The following SORD variants were observed in gnomAD, a reference collection of about 807,000 sequenced individuals.
The protein encoded by SORD is sorbitol dehydrogenase, also known as (R,R)-butanediol dehydrogenase.
Under a neutral mutation model 35.6 loss-of-function variants are expected in SORD, and 18 were observed. The observed-to-expected ratio is 0.51, with a 90% CI of 0.35 to 0.75. SORD has a LOEUF of 0.75. Ranked by LOEUF, SORD falls within the 30% of genes least tolerant of loss-of-function variation. SORD has a pLI of 0.01. For synonymous variants in SORD, 106 were observed against 152.9 expected (o/e 0.69, Z 2.26); for missense variants, 250 against 390.2 (o/e 0.64, Z 3.03).
At chr15:45,028,903 A>G (rs1892723618) in intron 1 of SORD, among the ~76,000 whole-genome samples, 1 of 152,396 alleles carries the variant, frequency 6.6e-6, no homozygotes, top group Admixed American at 6.5e-5. Flanking sequence ...ATGAGAGGGC[A>G]TGAACATGGG....
In SORD at chr15:45,036,801, AAG is replaced by A. The variant is rs556959289; in HGVS notation, c.67-3604_67-3603del. 5.0e-4 allele frequency among the ~76,000 whole-genome samples: 76 copies of A among 152,348 alleles called. 1 individual carries two copies. The highest frequency in any genetic ancestry group is 8.1e-4 in the Non-Finnish European group (55 of 68,032). On this transcript the variant is annotated intron_variant, in intron 1 of 8. Transcript: ENST00000267814. Reference sequence around the variant, plus strand: ...CAAAACCTTTGGGAATGAGAAAAAAAAGAGCTGTGGAGATAAAAGTGAAAGTT... The same window carrying A: ...CAAAACCTTTGGGAATGAGAAAAAAAAGCTGTGGAGATAAAAGTGAAAGTT...
intron 5 of SORD, among the ~76,000 whole-genome samples, chr15:45,065,863 C>G (rs538161721): frequency 1.3e-5 from 2 of 151,772 alleles, no homozygotes; most frequent in African/African-American, 2.4e-5. Context: ...AAGGGTGCAG[C>G]GAGCCATGAT....
intron 7 of SORD, among the ~76,000 whole-genome samples, chr15:45,071,207 C>A (rs1360461284): frequency 6.6e-6 from 1 of 152,170 alleles, no homozygotes; most frequent in African/African-American, 2.4e-5. Context: ...CTGGGGTCAG[C>A]AAACTGCTGG....
At chr15:45,025,754 G>T (rs1892658521) in intron 1 of SORD, among the ~76,000 whole-genome samples, 1 of 152,084 alleles carries the variant, frequency 6.6e-6, no homozygotes, top group Middle Eastern at 3.2e-3. Context: ...GGAGTCCTTT[G>T]CTCCTCTACT....
intron 3 of SORD, among the ~76,000 whole-genome samples, chr15:45,047,695 C>A (rs1341758412): frequency 2.0e-5 from 3 of 152,240 alleles, no homozygotes; most frequent in Non-Finnish European, 4.4e-5. Context: ...TAACCAGGTA[C>A]TGAGGCAGGA....
chr15:45,041,743 A>G (rs1423829280), intron 2 of SORD: 2 of 152,214 alleles, frequency 1.3e-5, no homozygotes, highest in East Asian at 3.9e-4. Context: ...TTGGACACAG[A>G]GTACAAGCTT....
In SORD at chr15:45,038,126, CCCTTCCTTCCTTCCTTCCTTCCTT is replaced by C. The variant is rs71114304; in HGVS notation, c.67-2236_67-2213del. 5.3e-3 allele frequency among the ~76,000 whole-genome samples: 653 copies of C among 122,328 alleles called. 4 individuals are homozygous for C. Among genetic ancestry groups the C allele is most frequent in the African/African-American group, 9.2e-3 (311 of 33,772 alleles). 80.3% of individuals were successfully genotyped at this position (122,328 alleles called of 152,430 possible). A position where few individuals can be genotyped will look rare whatever the true frequency, so the allele number is the denominator to read the frequency against. On this transcript the variant is annotated intron_variant, in intron 1 of 8. Coordinates refer to ENST00000267814, the MANE Select transcript of SORD (RefSeq NM_003104.6). ...TGATTACTTCCTTCCCTCGCATCCT[CCCTTCCTTCCTTCCTTCCTTCCTT>C]CCTTCCTTCCTTCCTTCCTTCCTTC...
chr15:45,057,492 A>C (rs955038044), intron 3 of SORD, among the ~76,000 whole-genome samples: 1 of 152,180 alleles, frequency 6.6e-6, no homozygotes, highest in African/African-American at 2.4e-5. Flanking sequence ...TATGAATAGA[A>C]AGAAAGATTT....
intron 3 of SORD, among the ~76,000 whole-genome samples, chr15:45,046,390 G>A (rs1445412517): frequency 6.6e-6 from 1 of 152,056 alleles, no homozygotes; most frequent in East Asian, 1.9e-4. Context: ...TTACAGGCAC[G>A]CACCACCACA....
At chr15:45,060,052 C>T in intron 3 of SORD, among the ~76,000 whole-genome samples, 1 of 152,126 alleles carries the variant, frequency 6.6e-6, no homozygotes, top group Non-Finnish European at 1.5e-5. Flanking sequence ...AAGGGGTTTG[C>T]ATTCCTAGGT....
rs1278440644 is a variant in SORD, at chr15:45,043,272, T to A, written c.116T>A (p.Met39Lys). ...EPGPNEVLLRMHSVGICGSDV... is the reference protein window; with the variant it reads ...EPGPNEVLLRKHSVGICGSDV... Reference sequence around the variant, plus strand: ...CTTTTATCAGAGGTCTTGCTGAGGATGCATTCTGTTGGAATCTGTGGCTCA... The same window carrying A: ...CTTTTATCAGAGGTCTTGCTGAGGAAGCATTCTGTTGGAATCTGTGGCTCA... The change falls in exon 3 of 9, where the codon ATG becomes AAG. Residue 39 changes from methionine to lysine, a missense_variant. Physicochemically the swap from Met to Lys is moderately conservative, Grantham distance 95. Coordinates refer to ENST00000267814, the MANE Select transcript of SORD (RefSeq NM_003104.6). 1 of 711,664 alleles carries A rather than the reference T, an allele frequency of 1.4e-6. No homozygotes were observed. The highest frequency in any genetic ancestry group is 2.5e-6 in the Non-Finnish European group (1 of 400,658). The allele number at this position is 711,664 out of a possible 1,614,324, so 44.1% of individuals were successfully genotyped here. A position where few individuals can be genotyped will look rare whatever the true frequency, so the allele number is the denominator to read the frequency against.
intron 3 of SORD, among the ~76,000 whole-genome samples, chr15:45,052,429 G>A (rs1439491845): frequency 6.6e-6 from 1 of 152,176 alleles, no homozygotes; most frequent in Non-Finnish European, 1.5e-5. Context: ...CTAATAGAGG[G>A]ATGTAGGAGG....
Position 45,058,925 on chromosome 15 carries a change from C to A in SORD, c.266-2142C>A, listed in dbSNP as rs151177183. ...GCAGCTTCTCTTGCCTGAGCAACTA[C>A]GGGCATGTTTTAAGCAAGCCTCCAC... On this transcript the variant is annotated intron_variant, in intron 3 of 8. Coordinates refer to ENST00000267814, the MANE Select transcript of SORD (RefSeq NM_003104.6). Among the ~76,000 whole-genome samples, 796 of 152,270 alleles carry A rather than the reference C, an allele frequency of 5.2e-3. 10 individuals are homozygous for A. The highest frequency in any genetic ancestry group is 0.018 in the African/African-American group (767 of 41,522).
At chr15:45,035,956 C>G (rs1196816177) in intron 1 of SORD, among the ~76,000 whole-genome samples, 3 of 151,674 alleles carry the variant, frequency 2.0e-5, no homozygotes, top group African/African-American at 4.9e-5. Context: ...CCTTTAAGAA[C>G]TGTAACACTC....
At position 45,073,609 on chromosome 15, in the gene SORD, A is replaced by G; in HGVS notation, c.*79A>G. Reference sequence around the variant, plus strand: ...GCTGGACATGGGTGGGCTCTGATGCAGAACTTTCTCTTTTGAATGTTAAGA... The same window carrying G: ...GCTGGACATGGGTGGGCTCTGATGCGGAACTTTCTCTTTTGAATGTTAAGA... On this transcript the variant is annotated 3_prime_UTR_variant, in exon 9 of 9. Coordinates refer to ENST00000267814, the MANE Select transcript of SORD (RefSeq NM_003104.6). 12 of 1,454,214 alleles carry G rather than the reference A, an allele frequency of 8.3e-6. No individual in the cohort carries two copies. The highest frequency in any genetic ancestry group is 1.0e-5 in the Non-Finnish European group (11 of 1,085,174). The allele number at this position is 1,454,214 out of a possible 1,614,324, so 90.1% of individuals were successfully genotyped here. A position where few individuals can be genotyped will look rare whatever the true frequency, so the allele number is the denominator to read the frequency against.
intron 3 of SORD, among the ~76,000 whole-genome samples, chr15:45,055,077 C>G (rs1398895114): frequency 1.3e-5 from 2 of 151,912 alleles, no homozygotes; most frequent in Non-Finnish European, 2.9e-5. Context: ...AGTCAGGTAG[C>G]GTGATGCCTC....
At position 45,042,519 on chromosome 15, in the gene SORD, T is replaced by TAAAG. The variant is rs781088294; in HGVS notation, c.101-735_101-734insGAAA. On this transcript the variant is annotated intron_variant, in intron 2 of 8. Coordinates refer to ENST00000267814, the MANE Select transcript of SORD (RefSeq NM_003104.6). ...AATAAAAAATAAATAAATAAATAAA[T>TAAAG]AAATAAATAAAGGAAAGAAAACAAT... The TAAAG allele has an allele frequency of 2.9e-3, 432 of 149,802 alleles. 1 individual carries two copies. The highest frequency in any genetic ancestry group is 0.011 in the African/African-American group (426 of 39,692). The allele number at this position is 149,802 out of a possible 1,614,324, so 9.3% of individuals were successfully genotyped here. A position where few individuals can be genotyped will look rare whatever the true frequency, so the allele number is the denominator to read the frequency against.
At chr15:45,042,210 G>T (rs1892977329) in intron 2 of SORD, among the ~76,000 whole-genome samples, 1 of 152,106 alleles carries the variant, frequency 6.6e-6, no homozygotes, top group Non-Finnish European at 1.5e-5. Flanking sequence ...TTAGAAAACT[G>T]GCCAGGCGCG....
At chr15:45,068,470 T>TA (rs1428928237) in intron 6 of SORD, among the ~76,000 whole-genome samples, 4 of 151,924 alleles carry the variant, frequency 2.6e-5, no homozygotes, top group African/African-American at 9.7e-5. Flanking sequence ...TGTGTCTGTG[T>TA]GTAGCTGTAT....
Sources: gnomAD v4.1 joint callset for allele counts (sites outside exome capture counted in the v4.1 genomes callset) on GRCh38, gnomAD v4.1.1 for gene constraint, MANE v1.5 for transcripts, NCBI Gene and HGNC (gene_info 2026-07-23, HGNC 2026-07-21) for gene names.